The following WIPI2 variants were observed in gnomAD, a reference collection of about 807,000 sequenced individuals.
WIPI2 encodes WD repeat domain, phosphoinositide interacting 2.
Under a neutral mutation model 52.3 loss-of-function variants are expected in WIPI2, and 28 were observed. That is an observed-to-expected ratio of 0.54 (90% CI 0.40 to 0.73). The LOEUF is 0.73. WIPI2 is among the 30% of genes least tolerant of loss of function. The pLI is 0.00. For synonymous variants in WIPI2, 268 were observed against 245.0 expected (o/e 1.09, Z -0.88); for missense variants, 506 against 602.9 (o/e 0.84, Z 1.68).
At position 5,215,816 on chromosome 7, in the gene WIPI2, G is replaced by A. The variant is rs996531117; in HGVS notation, c.382-747G>A. Among the ~76,000 whole-genome samples the A allele has an allele frequency of 5.3e-5, 8 of 152,224 alleles. No homozygotes were observed. The East Asian group carries it at 1.5e-3, about 29-fold the overall frequency. On this transcript the variant is annotated intron_variant, in intron 4 of 12. Coordinates refer to ENST00000288828, the MANE Select transcript of WIPI2 (RefSeq NM_015610.4). ...CATCTTTCTTGCATAAGTTGTCTCA[G>A]CGATGCATCGTCTGCATGTCTACAT...
intron 3 of WIPI2, among the ~76,000 whole-genome samples, chr7:5,203,195 G>A (rs569106815): frequency 2.0e-5 from 3 of 152,284 alleles, no homozygotes; most frequent in South Asian, 2.1e-4. Context: ...GTTTTCTGAC[G>A]TTAGTCTTAT....
chr7:5,216,688 A>G, intron 5 of WIPI2, 29 bp downstream of exon 5: 2 of 1,606,958 alleles, frequency 1.2e-6, no homozygotes, highest in African/African-American at 1.3e-5. Context: ...AGAGAATCCC[A>G]TTTTTCTGAT....
chr7:5,194,402 G>A (rs1384983591), intron 2 of WIPI2, among the ~76,000 whole-genome samples: 4 of 152,158 alleles, frequency 2.6e-5, no homozygotes, highest in African/African-American at 4.8e-5. Flanking sequence ...ACGGACTGAC[G>A]ATTAGGGAAG....
chr7:5,218,017 G>C lies in WIPI2; in HGVS notation c.669+3G>C, dbSNP rs1782911191. The C allele has an allele frequency of 6.2e-7, 1 of 1,614,180 alleles. No individual in the cohort carries two copies. Among genetic ancestry groups the C allele is most frequent in the Non-Finnish European group, 8.5e-7 (1 of 1,180,010 alleles). On this transcript the variant is annotated splice_donor_region_variant and intron_variant, in intron 7 of 12. Transcript: ENST00000288828. Reference sequence around the variant, plus strand: ...AACTTGCCACGGCTTCGGAGAAGGTGAGTCTGCTTTTCCCCGGGGGAGCAC... The same window carrying C: ...AACTTGCCACGGCTTCGGAGAAGGTCAGTCTGCTTTTCCCCGGGGGAGCAC...
Position 5,207,328 on chromosome 7 carries a change from C to T in WIPI2, c.212-7207C>T, listed in dbSNP as rs532838568. On this transcript the variant is annotated intron_variant, in intron 3 of 12. Transcript: ENST00000288828. The stretch of plus-strand genomic sequence containing the variant: ...CCTTCCAGTCTCAGCTCCCTTCTGC[C>T]CACATTCCCCAAGAGGCAACCAGTG... Among the ~76,000 whole-genome samples, 7 of 152,296 alleles carry T rather than the reference C, an allele frequency of 4.6e-5. No individual in the cohort carries two copies. In the South Asian group the frequency reaches 8.3e-4, roughly 18 times the overall value.
At chr7:5,228,448 G>A (rs1783555414) in intron 11 of WIPI2, among the ~76,000 whole-genome samples, 2 of 152,262 alleles carry the variant, frequency 1.3e-5, no homozygotes, top group Admixed American at 1.3e-4. Context: ...CAGGGACTGG[G>A]CACAGAGGCG....
chr7:5,214,210 C>T, intron 3 of WIPI2: 1 of 1,241,026 alleles, frequency 8.1e-7, no homozygotes, highest in South Asian at 1.5e-5. Context: ...AGCCCCTAGA[C>T]CTTACTCTTT....
chr7:5,216,613 C>T lies in WIPI2; in HGVS notation c.432C>T (p.Asp144=). Reference sequence around the variant, plus strand: ...CCCTGTACATCCACAACATTCGGGACATGAAGGTGCTGCATACGATCAGGG... The same window carrying T: ...CCCTGTACATCCACAACATTCGGGATATGAAGGTGCTGCATACGATCAGGG... ...EESLYIHNIR[D]MKVLHTIRET... is the part of the protein sequence containing the mutation. The change falls in exon 5 of 13, where the codon GAC becomes GAT. Residue 144 remains aspartate (D), a synonymous_variant. Transcript: ENST00000288828. 2 of 1,614,158 alleles carry T rather than the reference C, an allele frequency of 1.2e-6. No individual in the cohort carries two copies. Among genetic ancestry groups the T allele is most frequent in the Non-Finnish European group, 8.5e-7 (1 of 1,180,026 alleles).
intron 1 of WIPI2, 53 bp downstream of exon 1, chr7:5,190,546 GC>G: frequency 7.2e-7 from 1 of 1,396,624 alleles, no homozygotes; most frequent in Non-Finnish European, 9.4e-7. Context: ...TCGGACCCGG[GC>G]TAGGGGGAGG....
chr7:5,221,893 C>T (rs536749755), intron 7 of WIPI2, among the ~76,000 whole-genome samples: 2 of 151,970 alleles, frequency 1.3e-5, no homozygotes, highest in South Asian at 2.1e-4. Context: ...TGGTGGGGTC[C>T]GAAGCCTCGT....
Position 5,216,582 on chromosome 7 carries a change from A to T in WIPI2, c.401A>T (p.Glu134Val). The change falls in exon 5 of 13, where the codon GAG becomes GTG. Residue 134 changes from glutamate to valine, a missense_variant. This residue lies in a region of WIPI2 where 237 missense variants were observed against 346.9 expected (regional missense o/e 0.68). Transcript: ENST00000288828. ...GCCTAGAGGCTGATAGTATGCCTGG[A>T]GGAGTCCCTGTACATCCACAACATT... is the stretch of plus-strand genomic sequence containing the variant. ...LNRQRLIVCL[E>V]ESLYIHNIRD... 1 of 1,614,152 alleles carries T rather than the reference A, an allele frequency of 6.2e-7. No individual in the cohort carries two copies. Among genetic ancestry groups the T allele is most frequent in the Non-Finnish European group, 8.5e-7 (1 of 1,180,028 alleles).
chr7:5,190,372 T>TCGCG lies in WIPI2; in HGVS notation c.-40_-37dup. ...ACCCTGAGTGCAGCCTGACCCGCCC[T>TCGCG]CGCGCGCGCGCCCTCCCCGGCCGGG... is the stretch of plus-strand genomic sequence containing the variant. On this transcript the variant is annotated 5_prime_UTR_variant, in exon 1 of 13. Transcript: ENST00000288828. 1 of 1,272,676 alleles carries TCGCG rather than the reference T, an allele frequency of 7.9e-7. No individual in the cohort carries two copies. Among genetic ancestry groups the TCGCG allele is most frequent in the Admixed American group, 4.4e-5 (1 of 22,564 alleles). 78.8% of individuals were successfully genotyped at this position (1,272,676 alleles called of 1,614,324 possible).
chr7:5,217,544 G>A (rs1371115994), intron 6 of WIPI2: 4 of 391,168 alleles, frequency 1.0e-5, no homozygotes, highest in African/African-American at 6.2e-5. Flanking sequence ...CCATCCTCCC[G>A]CCTCGGCCCC....
chr7:5,222,706 A>G (rs746163110), intron 8 of WIPI2, 34 bp downstream of exon 8: 1 of 1,588,002 alleles, frequency 6.3e-7, no homozygotes, highest in South Asian at 1.1e-5. Flanking sequence ...TGGATTCTGG[A>G]GGTTGTATTT....
chr7:5,213,789 C>T (rs1017721404), intron 3 of WIPI2, among the ~76,000 whole-genome samples: 16 of 151,750 alleles, frequency 1.1e-4, no homozygotes, highest in Non-Finnish European at 1.5e-4. Flanking sequence ...GGGTTCACAC[C>T]GTTCTCCTGC....
At chr7:5,199,741 C>G in intron 3 of WIPI2, 83 bp downstream of exon 3, 1 of 1,365,558 alleles carries the variant, frequency 7.3e-7, no homozygotes, top group Non-Finnish European at 1.0e-6. Context: ...AAAATTCAGA[C>G]GCTGTGGTTG....
At position 5,222,585 on chromosome 7, in the gene WIPI2, C is replaced by T. The variant is rs1442550614; in HGVS notation, c.670-17C>T. 1 of 1,612,500 alleles carries T rather than the reference C, an allele frequency of 6.2e-7. No homozygotes were observed. Among genetic ancestry groups the T allele is most frequent in the South Asian group, 1.1e-5 (1 of 91,010 alleles). On this transcript the variant is annotated splice_polypyrimidine_tract_variant and intron_variant, in intron 7 of 12. Coordinates refer to ENST00000288828, the MANE Select transcript of WIPI2 (RefSeq NM_015610.4). ...TTAACTCAGCTCAAATTCTTCTTTT[C>T]TCTTTTCCTTCCACAGGGGACCGTG...
intron 11 of WIPI2, 164 bp from the exon 12 acceptor site, chr7:5,229,444 C>G (rs552692662): frequency 2.9e-6 from 2 of 687,854 alleles, no homozygotes; most frequent in Non-Finnish European, 4.6e-6. Flanking sequence ...CATGTAAAAA[C>G]GTGTGCAGAT....
chr7:5,217,298 C>CA, intron 6 of WIPI2, 111 bp downstream of exon 6: 1 of 1,134,884 alleles, frequency 8.8e-7, no homozygotes, highest in Non-Finnish European at 1.3e-6. Context: ...AACCGCTGCA[C>CA]TTTTTTGTTT....
Sources: gnomAD v4.1 joint callset for allele counts (sites outside exome capture counted in the v4.1 genomes callset) on GRCh38, gnomAD v4.1.1 for gene constraint, gnomAD v4.1.1 regional missense constraint, MANE v1.5 for transcripts, NCBI Gene and HGNC (gene_info 2026-07-23, HGNC 2026-07-21) for gene names.